Variants in PRSS56 observed in about 807,000 individuals in gnomAD.
PRSS56 encodes protease, serine 56.
A neutral mutation model predicts 66.8 loss-of-function variants in PRSS56; 55 were observed. That is an observed-to-expected ratio of 0.82 (90% CI 0.66 to 1.03). PRSS56 has a LOEUF of 1.03. Ranked by LOEUF, PRSS56 falls within the 50% of genes least tolerant of loss-of-function variation. The probability of loss-of-function intolerance (pLI) is 0.00; values close to 1 mark genes in which losing one functional copy is unlikely to be tolerated. For synonymous variants in PRSS56, 409 were observed against 387.9 expected (o/e 1.05, Z -0.64); for missense variants, 869 against 837.2 (o/e 1.04, Z -0.47).
At chr2:232,520,905 T>C (rs550254679) in intron 1 of PRSS56, among the ~76,000 whole-genome samples, 104 of 152,054 alleles carry the variant, frequency 6.8e-4, no homozygotes, top group African/African-American at 2.4e-3. Flanking sequence ...CTGTTGAGCA[T>C]GCCGAAAGGA....
In PRSS56 at chr2:232,524,955, G is replaced by A. The variant is rs765172627; in HGVS notation, c.1521+111G>A. The A allele has an allele frequency of 6.2e-5, 59 of 957,750 alleles. No individual in the cohort carries two copies. In the Middle Eastern group the frequency reaches 2.0e-3, roughly 32 times the overall value. The allele number at this position is 957,750 out of a possible 1,614,324, so 59.3% of individuals were successfully genotyped here. A position where few individuals can be genotyped will look rare whatever the true frequency, so the allele number is the denominator to read the frequency against. ...GATACCCTCCCAGCAGCCTGGGGTCGCCTCTGCCCCAGCTCTGGGGGTAGG... is the reference window on the plus strand; with the variant it reads ...GATACCCTCCCAGCAGCCTGGGGTCACCTCTGCCCCAGCTCTGGGGGTAGG... On this transcript the variant is annotated intron_variant, in intron 12 of 12. Transcript: ENST00000617714.
rs139293033 is a variant in PRSS56 at position 232,524,929 on chromosome 2, A to G, written c.1521+85A>G. The stretch of plus-strand genomic sequence containing the variant: ...AGGGAAGATGCAGAGGGCCCAGCCC[A>G]GATACCCTCCCAGCAGCCTGGGGTC... On this transcript the variant is annotated intron_variant, in intron 12 of 12. Transcript: ENST00000617714. 1.2e-5 allele frequency: 14 copies of G among 1,149,630 alleles called. No homozygotes were observed. The South Asian group carries it at 1.8e-4, about 15-fold the overall frequency. The allele number at this position is 1,149,630 out of a possible 1,614,324, so 71.2% of individuals were successfully genotyped here.
chr2:232,525,485 A>AC lies in PRSS56; in HGVS notation c.1797dup (p.Ala600ArgfsTer23). ...GGCACCACCCACTCAACCCTCAGGTACCCCCCGCCAGGCAACCCTGAGCCA... is the reference window on the plus strand; with the variant it reads ...GGCACCACCCACTCAACCCTCAGGTACCCCCCCGCCAGGCAACCCTGAGCCA... On this transcript the variant is annotated frameshift_variant, in exon 13 of 13. Transcript: ENST00000617714. LOFTEE classifies it high-confidence loss of function. 3 of 1,495,416 alleles carry AC rather than the reference A, an allele frequency of 2.0e-6. No individual in the cohort carries two copies. In the South Asian group the frequency reaches 3.7e-5, roughly 19 times the overall value. 92.6% of individuals were successfully genotyped at this position (1,495,416 alleles called of 1,614,324 possible).
chr2:232,521,452 C>G (rs1691275306), intron 2 of PRSS56, 24 bp downstream of exon 2: 2 of 1,516,068 alleles, frequency 1.3e-6, no homozygotes, highest in Non-Finnish European at 8.9e-7. Flanking sequence ...CCCCCGTGCC[C>G]CAGTGAGCTT....
In PRSS56 at chr2:232,523,899, T is replaced by A. The variant is rs1231302629; in HGVS notation, c.1140T>A (p.Cys380Ter). The part of the protein sequence containing the change: ...ARLCPGSQGA[C>*]ARLAHQQCLQ... The stretch of plus-strand genomic sequence containing the variant: ...TGTGCCCGGGGTCCCAGGGCGCCTG[T>A]GCGCGCCTGGCGCACCAGCAGTGCC... The change falls in exon 9 of 13, where the codon TGT (cysteine) becomes TGA (stop). Residue 380 changes from cysteine to a stop codon, truncating the protein, a stop_gained. Transcript: ENST00000617714. LOFTEE classifies it high-confidence loss of function. 2.0e-6 allele frequency: 3 copies of A among 1,521,144 alleles called. No homozygotes were observed. Among genetic ancestry groups the A allele is most frequent in the Admixed American group, 4.1e-5 (2 of 49,362 alleles). 94.2% of individuals were successfully genotyped at this position (1,521,144 alleles called of 1,614,324 possible).
rs760179900 is a variant in PRSS56, at chr2:232,522,542, G to A, written c.474G>A (p.Val158=). The change falls in exon 5 of 13, where the codon GTG becomes GTA. Residue 158 remains valine (V), a synonymous_variant. Transcript: ENST00000617714. Reference sequence around the variant, plus strand: ...CCCCGAATGAGCTTCTGTGGACTGTGACGCTGGCAGAGGGGTCCCGGGGGG... The same window carrying A: ...CCCCGAATGAGCTTCTGTGGACTGTAACGCTGGCAGAGGGGTCCCGGGGGG... ...VGAPNELLWT[V]TLAEGSRGEQ... The A allele has an allele frequency of 2.3e-5, 35 of 1,534,876 alleles. 2 individuals carry two copies. In the South Asian group the frequency reaches 4.2e-4, roughly 18 times the overall value.
In PRSS56 at chr2:232,523,221, G is replaced by A; in HGVS notation, c.849+19G>A. The A allele has an allele frequency of 7.0e-7, 1 of 1,435,434 alleles. No individual in the cohort carries two copies. Among genetic ancestry groups the A allele is most frequent in the South Asian group, 1.5e-5 (1 of 68,058 alleles). The allele number at this position is 1,435,434 out of a possible 1,614,324, so 88.9% of individuals were successfully genotyped here. ...GTGCCAGGTATGAACCCAGTCTGAT[G>A]AGAAAAGGCCGGCTGAGCCTTCCCA... On this transcript the variant is annotated intron_variant, in intron 7 of 12. Transcript: ENST00000617714.
chr2:232,521,745 GGCTCGGCCCA>G, intron 2 of PRSS56, 61 bp from the exon 3 acceptor site: 1 of 1,450,804 alleles, frequency 6.9e-7, no homozygotes, highest in East Asian at 2.5e-5. Context: ...GGGAGAGAGA[GGCTCGGCCCA>G]GCCTGGGGTG....
At position 232,521,394 on chromosome 2, in the gene PRSS56, G is replaced by A. The variant is rs574835109; in HGVS notation, c.171G>A (p.Ala57=). 1.2e-4 allele frequency: 180 copies of A among 1,536,054 alleles called. No individual in the cohort carries two copies. Among genetic ancestry groups the A allele is most frequent in the Non-Finnish European group, 1.5e-4 (171 of 1,146,910 alleles). ...RSAQWAINRV[A]MEIQHRSHEC... The stretch of plus-strand genomic sequence containing the variant: ...CCCAGTGGGCAATAAACCGAGTGGC[G>A]ATGGAGATCCAGCACAGATCGCACG... Residue 57 remains alanine (A), a synonymous_variant, in exon 2 of 13, where the codon GCG becomes GCA. Transcript: ENST00000617714.
Position 232,523,056 on chromosome 2 carries a change from G to A in PRSS56, c.707-4G>A. 6.5e-7 allele frequency: 1 copy of A among 1,534,258 alleles called. No individual in the cohort carries two copies. On this transcript the variant is annotated splice_region_variant and splice_polypyrimidine_tract_variant and intron_variant, in intron 6 of 12. Transcript: ENST00000617714. ...AACCTGAGCCTTCCACCCCTTCCCTGCAGACGGGCCTGAGGCTGAAGCAGT... is the reference window on the plus strand; with the variant it reads ...AACCTGAGCCTTCCACCCCTTCCCTACAGACGGGCCTGAGGCTGAAGCAGT...
At chr2:232,523,666 C>T in intron 8 of PRSS56, 88 bp downstream of exon 8, 1 of 1,514,110 alleles carries the variant, frequency 6.6e-7, no homozygotes, top group Non-Finnish European at 8.8e-7. Context: ...CATGCCCATT[C>T]CCAGCTCCCT....
chr2:232,524,697 G>A (rs1347463216), intron 11 of PRSS56, 41 bp from the exon 12 acceptor site: 2 of 1,417,348 alleles, frequency 1.4e-6, no homozygotes, highest in Middle Eastern at 2.0e-4. Flanking sequence ...GTTCCATACC[G>A]CAACCGTTCA....
At chr2:232,521,275 G>A in intron 1 of PRSS56, 46 bp from the exon 2 acceptor site, 1 of 1,444,414 alleles carries the variant, frequency 6.9e-7, no homozygotes, top group South Asian at 1.2e-5. Flanking sequence ...ATGAGGCTGA[G>A]GCTCTTCCCC....
chr2:232,521,454 A>T, intron 2 of PRSS56, 26 bp downstream of exon 2: 3 of 1,511,372 alleles, frequency 2.0e-6, no homozygotes, highest in Non-Finnish European at 2.7e-6. Context: ...CCCGTGCCCC[A>T]GTGAGCTTGC....
intron 3 of PRSS56, 24 bp from the exon 4 acceptor site, chr2:232,521,947 G>A (rs1256886425): frequency 2.9e-5 from 44 of 1,508,296 alleles, no homozygotes; most frequent in Non-Finnish European, 3.8e-5. Flanking sequence ...CATGTCCCTC[G>A]TGACACCCCT....
At position 232,523,517 on chromosome 2, in the gene PRSS56, G is replaced by C; in HGVS notation, c.951G>C (p.Gly317=). ...TSWGDGCGEP[G]KPGVYTRVAV... Reference sequence around the variant, plus strand: ...GGGGGGACGGCTGCGGGGAGCCAGGGAAGCCCGGGGTCTACACCCGCGTGG... The same window carrying C: ...GGGGGGACGGCTGCGGGGAGCCAGGCAAGCCCGGGGTCTACACCCGCGTGG... The change falls in exon 8 of 13, where the codon GGG becomes GGC. Residue 317 remains glycine (G), a synonymous_variant. Transcript: ENST00000617714. 2 of 1,532,672 alleles carry C rather than the reference G, an allele frequency of 1.3e-6. No individual in the cohort carries two copies. The highest frequency in any genetic ancestry group is 1.7e-6 in the Non-Finnish European group (2 of 1,145,574). 94.9% of individuals were successfully genotyped at this position (1,532,672 alleles called of 1,614,324 possible). A position where few individuals can be genotyped will look rare whatever the true frequency, so the allele number is the denominator to read the frequency against.
chr2:232,522,267 C>G, intron 4 of PRSS56, 107 bp downstream of exon 4: 1 of 1,111,734 alleles, frequency 9.0e-7, no homozygotes, highest in Non-Finnish European at 1.2e-6. Context: ...CTCTGCTGCC[C>G]CCTGGCGGCG....
intron 2 of PRSS56, 119 bp downstream of exon 2, chr2:232,521,547 C>A (rs931439036): frequency 1.1e-6 from 1 of 890,082 alleles, no homozygotes; most frequent in Non-Finnish European, 1.8e-6. Flanking sequence ...CTGTGTTGGG[C>A]CGCAACCTAG....
At chr2:232,522,364 C>T (rs1048083484) in intron 4 of PRSS56, 151 bp from the exon 5 acceptor site, 56 of 819,904 alleles carry the variant, frequency 6.8e-5, no homozygotes, top group Non-Finnish European at 9.6e-5. Context: ...CGGGCGAGTT[C>T]GCCCCCTCTG....
Sources: gnomAD v4.1 joint callset for allele counts (sites outside exome capture counted in the v4.1 genomes callset) on GRCh38, gnomAD v4.1.1 for gene constraint, MANE v1.5 for transcripts, NCBI Gene and HGNC (gene_info 2026-07-23, HGNC 2026-07-21) for gene names.